The following PCDHGB1 variants were observed in gnomAD, a reference collection of about 807,000 sequenced individuals.
PCDHGB1 encodes protocadherin gamma-B1.
A neutral mutation model predicts 56.6 loss-of-function variants in PCDHGB1; 34 were observed. That is an observed-to-expected ratio of 0.60 (90% CI 0.46 to 0.80). The LOEUF (loss-of-function observed/expected upper bound fraction) is 0.80. PCDHGB1 is among the 30% of genes least tolerant of loss of function. The pLI is 0.00. For synonymous variants in PCDHGB1, 561 were observed against 505.9 expected, an observed-to-expected ratio of 1.11 and a Z score of -1.46; for missense variants, 1,278 against 1,204.6, an observed-to-expected ratio of 1.06 and a Z score of -0.90.
chr5:141,370,888 A>G, intron 1 of PCDHGB1: 1 of 1,614,036 alleles, frequency 6.2e-7, no homozygotes, highest in Non-Finnish European at 8.5e-7. Context: ...GTAGGTGTCA[A>G]TTCGCTGCAG....
Position 141,352,408 on chromosome 5 carries a change from C to A in PCDHGB1, c.2148C>A (p.Ser716Arg), listed in dbSNP as rs1197749227. The A allele has an allele frequency of 6.2e-7, 1 of 1,614,058 alleles. No homozygotes were observed. Among genetic ancestry groups the A allele is most frequent in the Admixed American group, 1.7e-5 (1 of 60,022 alleles). ...CCCTGCGCCTGCGACGTTCCTCCAG[C>A]CTCGACACTGAGGGCTGCTTTCAAA... is the stretch of plus-strand genomic sequence containing the variant. ...AIALRLRRSS[S>R]LDTEGCFQTG... Residue 716 changes from serine to arginine, a missense_variant, in exon 1 of 4, where the codon AGC becomes AGA. Coordinates refer to ENST00000523390, the MANE Select transcript of PCDHGB1 (RefSeq NM_018922.3).
chr5:141,423,195 G>C, intron 1 of PCDHGB1: 14 of 1,613,544 alleles, frequency 8.7e-6, no homozygotes, highest in Non-Finnish European at 1.2e-5. Flanking sequence ...CCCCTCTCTC[G>C]GCCACCGTCA....
chr5:141,458,674 A>G (rs1315462699), intron 1 of PCDHGB1, among the ~76,000 whole-genome samples: 1 of 152,104 alleles, frequency 6.6e-6, no homozygotes, highest in East Asian at 1.9e-4. Flanking sequence ...GGTTCAAGCA[A>G]TTCTACTGCC....
chr5:141,492,071 C>T (rs992716777), intron 1 of PCDHGB1: 7 of 481,874 alleles, frequency 1.5e-5, no homozygotes, highest in African/African-American at 1.4e-4. Context: ...CTCCTAGGCG[C>T]CGGCTCCGGC....
Position 141,490,109 on chromosome 5 carries a change from G to A in PCDHGB1, c.2410-4698G>A, listed in dbSNP as rs775286436. The A allele has an allele frequency of 3.4e-5, 55 of 1,614,114 alleles. No homozygotes were observed. Among genetic ancestry groups the A allele is most frequent in the African/African-American group, 8.0e-5 (6 of 74,940 alleles). ...GGAGACCACACATCTGAGGCAGTGC[G>A]GAACCTCTTTGGCCTAGACCCTAGC... On this transcript the variant is annotated intron_variant, in intron 1 of 3. Coordinates refer to ENST00000523390, the MANE Select transcript of PCDHGB1 (RefSeq NM_018922.3). This position sits in a 1 kb window ranked among gnomAD's most constrained non-coding sequence, Gnocchi z 5.4.
rs1430260899 is a variant in PCDHGB1, at chr5:141,415,763, T to G, written c.2409+63094T>G. On this transcript the variant is annotated intron_variant, in intron 1 of 3. Transcript: ENST00000523390. ...AGGTTTTTTTTTTTTTTTTTTTTTT[T>G]TTTTTTTTTACTTTCTGGTAAAATT... is the stretch of plus-strand genomic sequence containing the variant. The G allele has an allele frequency of 1.1e-5, 15 of 1,398,354 alleles. No homozygotes were observed. The African/African-American group carries it at 2.1e-4, about 19-fold the overall frequency. 86.6% of individuals were successfully genotyped at this position (1,398,354 alleles called of 1,614,324 possible). A position where few individuals can be genotyped will look rare whatever the true frequency, so the allele number is the denominator to read the frequency against.
At chr5:141,475,778 T>A (rs1204790631) in intron 1 of PCDHGB1, among the ~76,000 whole-genome samples, 1 of 152,400 alleles carries the variant, frequency 6.6e-6, no homozygotes. Context: ...GCGCTTTGGC[T>A]GGAAACTCTG....
In PCDHGB1 at chr5:141,500,938, G is replaced by A. The variant is rs1317178701; in HGVS notation, c.2469-4455G>A. On this transcript the variant is annotated intron_variant, in intron 2 of 3. Transcript: ENST00000523390. Reference sequence around the variant, plus strand: ...GGCTGGGGTGCAGTGGCGCCATCTCGGCTCACTGCAAGCTCCACCTCCTGG... The same window carrying A: ...GGCTGGGGTGCAGTGGCGCCATCTCAGCTCACTGCAAGCTCCACCTCCTGG... 2.6e-5 allele frequency among the ~76,000 whole-genome samples: 4 copies of A among 151,060 alleles called. No homozygotes were observed. The East Asian group carries it at 5.8e-4, about 22-fold the overall frequency.
At chr5:141,428,836 C>T (rs926107154) in intron 1 of PCDHGB1, 1 of 150,686 alleles carries the variant, frequency 6.6e-6, no homozygotes, top group African/African-American at 2.5e-5. Context: ...ATTTTTGAAA[C>T]ATTTTCACCA....
intron 1 of PCDHGB1, chr5:141,385,518 A>T (rs1194402340): frequency 9.5e-6 from 13 of 1,366,176 alleles, no homozygotes; most frequent in Non-Finnish European, 1.2e-5. Flanking sequence ...GTGAAAGCCT[A>T]TGGACAAGAT....
rs764659811 is a variant in PCDHGB1, at chr5:141,350,494, C to G, written c.234C>G (p.Ser78Arg). ...ATTATTTCAACGTTAGTTTGGAGAG[C>G]GGGGATTTGTTAGTGAACGGTAGGA... is the stretch of plus-strand genomic sequence containing the variant. ...AEDYFNVSLE[S>R]GDLLVNGRID... Residue 78 changes from serine (S) to arginine (R), a missense_variant, in exon 1 of 4, where the codon AGC becomes AGG. Transcript: ENST00000523390. 6.2e-7 allele frequency: 1 copy of G among 1,613,806 alleles called. No homozygotes were observed. The highest frequency in any genetic ancestry group is 1.3e-5 in the African/African-American group (1 of 74,894).
rs979750945 is a variant in PCDHGB1 at position 141,478,807 on chromosome 5, A to G, written c.2410-16000A>G. The G allele has an allele frequency of 3.4e-6, 5 of 1,459,258 alleles. No homozygotes were observed. The African/African-American group carries it at 5.7e-5, about 17-fold the overall frequency. 90.4% of individuals were successfully genotyped at this position (1,459,258 alleles called of 1,614,324 possible). On this transcript the variant is annotated intron_variant, in intron 1 of 3. Transcript: ENST00000523390. The stretch of plus-strand genomic sequence containing the variant: ...TTCACATCCTCAGCACTCTTTTGCT[A>G]TCACAACTAACCAATCTTGCTAAGG...
chr5:141,399,018 T>C lies in PCDHGB1; in HGVS notation c.2409+46349T>C. 5 of 1,613,892 alleles carry C rather than the reference T, an allele frequency of 3.1e-6. No individual in the cohort carries two copies. The South Asian group carries it at 3.3e-5, about 11-fold the overall frequency. On this transcript the variant is annotated intron_variant, in intron 1 of 3. Coordinates refer to ENST00000523390, the MANE Select transcript of PCDHGB1 (RefSeq NM_018922.3). ...GTCTGAATTCAAAGAGCGGAGAAATTACCACTCAAAAGAAACTGGATTTTG... is the reference window on the plus strand; with the variant it reads ...GTCTGAATTCAAAGAGCGGAGAAATCACCACTCAAAAGAAACTGGATTTTG...
intron 1 of PCDHGB1, among the ~76,000 whole-genome samples, chr5:141,492,490 G>C (rs2099741140): frequency 6.6e-6 from 1 of 152,208 alleles, no homozygotes; most frequent in Non-Finnish European, 1.5e-5. Context: ...CCAGGACCAG[G>C]CGAGGACTCC....
At chr5:141,404,296 T>C in intron 1 of PCDHGB1, 1 of 1,613,946 alleles carries the variant, frequency 6.2e-7, no homozygotes, top group Non-Finnish European at 8.5e-7. Flanking sequence ...TCAATGATAA[T>C]CCACCTGCTT....
At position 141,426,367 on chromosome 5, in the gene PCDHGB1, G is replaced by A. The variant is rs557191606; in HGVS notation, c.2410-68440G>A. The A allele has an allele frequency of 8.2e-4, 168 of 204,486 alleles. 3 individuals are homozygous for A. The South Asian group carries it at 0.014, about 17-fold the overall frequency. 12.7% of individuals were successfully genotyped at this position (204,486 alleles called of 1,614,324 possible). ...TTTCCTGCTGCCTTTGTTCTGCGGG[G>A]CACCCTCGGAGCAGATCCGCTACTC... is the stretch of plus-strand genomic sequence containing the variant. On this transcript the variant is annotated intron_variant, in intron 1 of 3. Transcript: ENST00000523390.
chr5:141,391,293 A>G (rs1043661475), intron 1 of PCDHGB1: 15 of 151,834 alleles, frequency 9.9e-5, no homozygotes, highest in Admixed American at 3.3e-4. Context: ...AAAGAAGGAA[A>G]CGTCTTTCGA....
intron 1 of PCDHGB1, chr5:141,389,349 A>C: frequency 5.6e-6 from 9 of 1,613,980 alleles, no homozygotes; most frequent in Non-Finnish European, 7.6e-6. Flanking sequence ...CTCTTACTGC[A>C]TCATGGCCAG....
intron 1 of PCDHGB1, chr5:141,415,444 T>A (rs770800491): frequency 1.9e-6 from 3 of 1,614,184 alleles, no homozygotes; most frequent in Non-Finnish European, 2.5e-6. Context: ...CCTGCAGACC[T>A]ATTCCCACGA....
Sources: gnomAD v4.1 joint callset for allele counts (sites outside exome capture counted in the v4.1 genomes callset) on GRCh38, gnomAD v4.1.1 for gene constraint, Gnocchi (gnomAD v3.1) non-coding constraint, MANE v1.5 for transcripts, NCBI Gene and HGNC (gene_info 2026-07-23, HGNC 2026-07-21) for gene names.